PDPR: variants seen among roughly 807,000 people sequenced by gnomAD.
PDPR encodes pyruvate dehydrogenase phosphatase regulatory subunit, mitochondrial.
Under a neutral mutation model 102.2 loss-of-function variants are expected in PDPR, and 50 were observed. The observed-to-expected ratio is 0.49, with a 90% CI of 0.39 to 0.62. The LOEUF is 0.62. Among genes scored for constraint, PDPR ranks in the 20% least tolerant of loss-of-function variants. The pLI is 0.00. For synonymous variants in PDPR, 259 were observed against 406.0 expected (o/e 0.64, Z 4.35); for missense variants, 625 against 1,098.2 (o/e 0.57, Z 6.09).
At position 70,147,682 on chromosome 16, in the gene PDPR, T is replaced by C. The variant is rs1259292477; in HGVS notation, c.1963-782T>C. 1.6e-5 allele frequency: 7 copies of C among 447,990 alleles called. No homozygotes were observed. The East Asian group carries it at 4.9e-4, about 31-fold the overall frequency. The allele number at this position is 447,990 out of a possible 1,614,324, so 27.8% of individuals were successfully genotyped here. A position where few individuals can be genotyped will look rare whatever the true frequency, so the allele number is the denominator to read the frequency against. On this transcript the variant is annotated intron_variant, in intron 16 of 18. Transcript: ENST00000288050. ...TAACGAGCAACTTCCAGGTGGTTAC[T>C]GATGGAGACTCTTTGAAGTTCACCC...
chr16:70,120,591 G>GGC lies in PDPR; in HGVS notation c.103_104dup (p.Ser36ValfsTer55), dbSNP rs1963141404. On this transcript the variant is annotated frameshift_variant, in exon 3 of 19. Transcript: ENST00000288050. LOFTEE classifies it high-confidence loss of function. ...CAAGAAACAGCACGTCAGCTGCCGA[G>GGC]GCGCGTTCCATGGCCCTGCCCACCC... 6.2e-7 allele frequency: 1 copy of GGC among 1,613,890 alleles called. No individual in the cohort carries two copies. Among genetic ancestry groups the GGC allele is most frequent in the Non-Finnish European group, 8.5e-7 (1 of 1,179,886 alleles).
chr16:70,119,925 T>G (rs1476658188), intron 2 of PDPR, among the ~76,000 whole-genome samples: 2 of 147,002 alleles, frequency 1.4e-5, no homozygotes, highest in African/African-American at 2.6e-5. Context: ...TGTTTGTTTG[T>G]TTTTTTTTTG....
intron 11 of PDPR, among the ~76,000 whole-genome samples, chr16:70,140,090 C>T (rs1362665557): frequency 5.3e-5 from 8 of 152,230 alleles, no homozygotes; most frequent in African/African-American, 1.4e-4. Flanking sequence ...AATCCCAGCA[C>T]TTTGGGACGT....
chr16:70,120,324 A>C, intron 2 of PDPR, 137 bp from the exon 3 acceptor site: 1 of 602,316 alleles, frequency 1.7e-6, no homozygotes, highest in Non-Finnish European at 3.0e-6. Flanking sequence ...TGCTGGGATT[A>C]CAGGTGTGAG....
At chr16:70,147,258 C>T in intron 16 of PDPR, among the ~76,000 whole-genome samples, 1 of 143,258 alleles carries the variant, frequency 7.0e-6, no homozygotes, top group Non-Finnish European at 1.5e-5. Context: ...TTTTTACACT[C>T]CAAGCTTGCT....
chr16:70,154,313 G>A (rs1160798010), intron 18 of PDPR, among the ~76,000 whole-genome samples: 1 of 152,236 alleles, frequency 6.6e-6, no homozygotes, highest in African/African-American at 2.4e-5. Flanking sequence ...GTGTGACAGG[G>A]CAAGACTCCG....
intron 4 of PDPR, among the ~76,000 whole-genome samples, 196 bp from the exon 5 acceptor site, chr16:70,128,588 G>A (rs563959937): frequency 6.6e-6 from 1 of 152,374 alleles, no homozygotes; most frequent in Admixed American, 6.5e-5. Flanking sequence ...TTTGGTCAGG[G>A]CATGGAGCCT....
chr16:70,125,552 CAAAAAAAAAA>C (rs1164711741), intron 3 of PDPR, among the ~76,000 whole-genome samples: 2 of 106,818 alleles, frequency 1.9e-5, no homozygotes, highest in South Asian at 3.3e-4. Context: ...AACTGCGTCT[CAAAAAAAAAA>C]AAAAAAAAAA....
intron 3 of PDPR, among the ~76,000 whole-genome samples, chr16:70,126,778 A>T (rs1453062216): frequency 1.6e-4 from 25 of 152,248 alleles, no homozygotes; most frequent in African/African-American, 5.8e-4. Flanking sequence ...CTGCTACCTC[A>T]GCCTGTCAAA....
intron 3 of PDPR, among the ~76,000 whole-genome samples, chr16:70,121,787 T>C (rs1446367250): frequency 6.6e-6 from 1 of 151,476 alleles, no homozygotes; most frequent in Non-Finnish European, 1.5e-5. Flanking sequence ...TTTTTTAAGA[T>C]GGGGTCTTGC....
chr16:70,129,489 C>T (rs576893110), intron 6 of PDPR, among the ~76,000 whole-genome samples: 38 of 152,368 alleles, frequency 2.5e-4, no homozygotes, highest in African/African-American at 8.7e-4. Flanking sequence ...GGACTACAGG[C>T]GTGCCCCACT....
intron 3 of PDPR, 147 bp from the exon 4 acceptor site, chr16:70,127,113 C>T: frequency 6.7e-7 from 1 of 1,487,822 alleles, no homozygotes; most frequent in Non-Finnish European, 8.9e-7. Context: ...CCTTGGCCTC[C>T]TAAAGTGCTG....
At chr16:70,119,491 GC>G (rs1386604368) in intron 2 of PDPR, among the ~76,000 whole-genome samples, 1 of 149,258 alleles carries the variant, frequency 6.7e-6, no homozygotes, top group Admixed American at 6.7e-5. Context: ...ACTGGCTTCC[GC>G]CTGCCTCTCC....
At chr16:70,140,036 GGTTAAAAT>G (rs1333403503) in intron 11 of PDPR, among the ~76,000 whole-genome samples, 1 of 152,254 alleles carries the variant, frequency 6.6e-6, no homozygotes, top group Non-Finnish European at 1.5e-5. Context: ...CAAATATTTT[GGTTAAAAT>G]GTTGAACTTG....
intron 11 of PDPR, among the ~76,000 whole-genome samples, chr16:70,141,697 T>C (rs1212947649): frequency 1.3e-5 from 2 of 152,292 alleles, no homozygotes; most frequent in African/African-American, 4.8e-5. Flanking sequence ...GGCCGAGTCA[T>C]GCCGTGACAC....
At chr16:70,141,478 GTTAA>G (rs1345112986) in intron 11 of PDPR, among the ~76,000 whole-genome samples, 6 of 152,282 alleles carry the variant, frequency 3.9e-5, no homozygotes, top group Admixed American at 3.9e-4. Context: ...TCAGAAGTGA[GTTAA>G]TTATCAGGGA....
intron 9 of PDPR, among the ~76,000 whole-genome samples, chr16:70,134,523 C>G (rs1312916154): frequency 2.0e-5 from 3 of 149,596 alleles, no homozygotes; most frequent in Non-Finnish European, 4.4e-5. Flanking sequence ...CCGCACCTGG[C>G]CTTTAAGGCC....
At chr16:70,122,866 C>A (rs1262760840) in intron 3 of PDPR, among the ~76,000 whole-genome samples, 8 of 152,008 alleles carry the variant, frequency 5.3e-5, no homozygotes, top group Non-Finnish European at 1.2e-4. Context: ...CACACACACA[C>A]ACCAGTTTAG....
chr16:70,152,144 C>T (rs1017151096), intron 17 of PDPR, among the ~76,000 whole-genome samples: 1 of 152,226 alleles, frequency 6.6e-6, no homozygotes, highest in South Asian at 2.1e-4. Flanking sequence ...CTGCACCCAC[C>T]TTGGCTGATT....
Sources: gnomAD v4.1 joint callset for allele counts (sites outside exome capture counted in the v4.1 genomes callset) on GRCh38, gnomAD v4.1.1 for gene constraint, MANE v1.5 for transcripts, NCBI Gene and HGNC (gene_info 2026-07-23, HGNC 2026-07-21) for gene names.